The following POLA1 variants were observed in gnomAD, a reference collection of about 807,000 sequenced individuals.
The protein encoded by POLA1 is DNA polymerase alpha 1, catalytic subunit.
Under a neutral mutation model 124.0 loss-of-function variants are expected in POLA1, and 15 were observed. The ratio of observed to expected loss-of-function variants is 0.12; its 90% CI spans 0.08 to 0.19. The LOEUF (loss-of-function observed/expected upper bound fraction) is 0.19. Ranked by LOEUF, POLA1 falls within the 10% of genes least tolerant of loss-of-function variation. The pLI is 1.00. For missense variants in POLA1, 886 were observed against 1,103.4 expected (o/e 0.80, Z 2.79); for synonymous variants, 408 against 389.4 (o/e 1.05, Z -0.56).
intron 35 of POLA1, among the ~76,000 whole-genome samples, chrX:24,921,035 A>G (rs148255426): frequency 0.023 from 2,601 of 111,936 alleles, 42 homozygotes; most frequent in Middle Eastern, 0.069. Flanking sequence ...CAAACAAACC[A>G]TAGCTACCCC....
chrX:24,763,663 A>G (rs925536773), intron 26 of POLA1, among the ~76,000 whole-genome samples: 2 of 110,934 alleles, frequency 1.8e-5, no homozygotes, highest in African/African-American at 6.6e-5. Context: ...GAGAATGAGA[A>G]GAGGTGGGAA....
intron 36 of POLA1, among the ~76,000 whole-genome samples, chrX:24,979,140 A>C (rs770389278): frequency 1.8e-5 from 2 of 112,169 alleles, no homozygotes; most frequent in African/African-American, 6.5e-5. Context: ...AAAAGATTAC[A>C]TAAGAGTTTT....
At chrX:24,786,800 AC>A (rs1464846606) in intron 26 of POLA1, among the ~76,000 whole-genome samples, 2 of 98,648 alleles carry the variant, frequency 2.0e-5, no homozygotes, top group African/African-American at 3.9e-5. Context: ...AGATCCTCCC[AC>A]CTCAGCCACC....
At chrX:24,754,899 G>A (rs1348911752) in intron 26 of POLA1, among the ~76,000 whole-genome samples, 1 of 112,338 alleles carries the variant, frequency 8.9e-6, no homozygotes, top group Admixed American at 9.4e-5. Flanking sequence ...GTTAACTATT[G>A]TATAATATTT....
At chrX:24,988,121 C>T (rs987232272) in intron 36 of POLA1, among the ~76,000 whole-genome samples, 1 of 112,667 alleles carries the variant, frequency 8.9e-6, no homozygotes, top group Admixed American at 9.3e-5. Context: ...GCTGATGGTA[C>T]AGCCTTTGGC....
chrX:24,901,033 C>G (rs1389679833), intron 35 of POLA1, among the ~76,000 whole-genome samples: 1 of 111,962 alleles, frequency 8.9e-6, no homozygotes, highest in Non-Finnish European at 1.9e-5. Flanking sequence ...AGCACCTACT[C>G]TGGACCAACA....
intron 26 of POLA1, among the ~76,000 whole-genome samples, chrX:24,780,149 T>A (rs1321144156): frequency 8.9e-6 from 1 of 112,321 alleles, no homozygotes; most frequent in Non-Finnish European, 1.9e-5. Context: ...GGCCTGTAGT[T>A]TTCTTTTTCT....
chrX:24,925,671 A>G (rs1244663688), intron 35 of POLA1, among the ~76,000 whole-genome samples: 1 of 112,334 alleles, frequency 8.9e-6, no homozygotes, highest in Non-Finnish European at 1.9e-5. Flanking sequence ...AACTGTAATC[A>G]ACAGAAAATG....
At chrX:24,893,249 C>T (rs2047165052) in intron 35 of POLA1, among the ~76,000 whole-genome samples, 1 of 111,932 alleles carries the variant, frequency 8.9e-6, no homozygotes, top group African/African-American at 3.2e-5. Context: ...GGTTATTCTC[C>T]AGTAGGGAAT....
intron 15 of POLA1, among the ~76,000 whole-genome samples, chrX:24,729,246 G>A (rs1930739680): frequency 9.0e-6 from 1 of 111,667 alleles, no homozygotes; most frequent in Non-Finnish European, 1.9e-5. Flanking sequence ...ATTGTAGGAT[G>A]TTTAACAGCA....
intron 35 of POLA1, among the ~76,000 whole-genome samples, chrX:24,917,246 A>G (rs2047546694): frequency 9.2e-6 from 1 of 108,404 alleles, no homozygotes; most frequent in Non-Finnish European, 1.9e-5. Context: ...AGATTGCACC[A>G]CTGCACTCCA....
intron 14 of POLA1, 78 bp downstream of exon 14, chrX:24,727,149 A>T: frequency 1.1e-6 from 1 of 869,740 alleles, no homozygotes; most frequent in South Asian, 2.3e-5. Context: ...TAGGAAATTG[A>T]TCTATTTATT....
intron 26 of POLA1, among the ~76,000 whole-genome samples, chrX:24,801,682 T>G (rs759851508): frequency 1.8e-5 from 2 of 111,558 alleles, no homozygotes; most frequent in African/African-American, 6.5e-5. Context: ...TATTGAGCTC[T>G]TATGTCCCAG....
intron 30 of POLA1, among the ~76,000 whole-genome samples, chrX:24,816,231 A>G (rs982040635): frequency 1.2e-4 from 13 of 112,522 alleles, no homozygotes; most frequent in Non-Finnish European, 2.3e-4. Context: ...ATACCAATTG[A>G]TAATAGCAAA....
chrX:24,950,413 C>G (rs1601901073), intron 36 of POLA1, among the ~76,000 whole-genome samples: 1 of 112,098 alleles, frequency 8.9e-6, no homozygotes, highest in Admixed American at 9.4e-5. Context: ...TGACATGTGA[C>G]TAGTGGCTAC....
chrX:24,950,166 C>G (rs186123380), intron 36 of POLA1, among the ~76,000 whole-genome samples: 34 of 112,173 alleles, frequency 3.0e-4, no homozygotes, highest in Non-Finnish European at 4.1e-4. Flanking sequence ...ATTAATTTAT[C>G]CAGATTTGCA....
intron 15 of POLA1, among the ~76,000 whole-genome samples, chrX:24,728,509 C>T (rs1224289605): frequency 8.9e-6 from 1 of 111,904 alleles, no homozygotes; most frequent in East Asian, 2.8e-4. Flanking sequence ...ACACAAGATT[C>T]GCAGATGGTA....
At chrX:24,710,698 G>A (rs1347584328) in intron 4 of POLA1, among the ~76,000 whole-genome samples, 2 of 90,836 alleles carry the variant, frequency 2.2e-5, no homozygotes, top group Admixed American at 1.3e-4. Context: ...ACAGAGTCTC[G>A]CTCTGTCACC....
intron 26 of POLA1, among the ~76,000 whole-genome samples, chrX:24,769,830 A>G (rs1452689921): frequency 1.8e-5 from 2 of 112,110 alleles, no homozygotes; most frequent in Non-Finnish European, 3.8e-5. Flanking sequence ...GGTGCCTGCT[A>G]TCCACGTACA....
Sources: gnomAD v4.1 joint callset for allele counts (sites outside exome capture counted in the v4.1 genomes callset) on GRCh38, gnomAD v4.1.1 for gene constraint, MANE v1.5 for transcripts, NCBI Gene and HGNC (gene_info 2026-07-23, HGNC 2026-07-21) for gene names.